Variants in CEP126 observed in about 807,000 individuals in gnomAD.
CEP126 encodes the protein centrosomal protein 126, also known as centrosomal protein of 126 kDa.
Under a neutral mutation model 107.8 loss-of-function variants are expected in CEP126, and 74 were observed. The observed-to-expected ratio is 0.69, with a 90% confidence interval of 0.57 to 0.83. The LOEUF is 0.83. Ranked by LOEUF, CEP126 falls within the 40% of genes least tolerant of loss-of-function variation. The pLI is 0.00. For synonymous variants in CEP126, 449 were observed against 446.0 expected (o/e 1.01, Z -0.08); for missense variants, 1,237 against 1,281.9 (o/e 0.96, Z 0.53).
Position 101,963,221 on chromosome 11 carries a change from C to CA in CEP126, c.2193dup (p.Glu732ArgfsTer4), listed in dbSNP as rs755857306. 1.2e-6 allele frequency: 2 copies of CA among 1,613,516 alleles called. No homozygotes were observed. Among genetic ancestry groups the CA allele is most frequent in the Admixed American group, 1.7e-5 (1 of 59,980 alleles). On this transcript the variant is annotated frameshift_variant, in exon 6 of 11. Coordinates refer to ENST00000263468, the MANE Select transcript of CEP126 (RefSeq NM_020802.4). LOFTEE classifies it high-confidence loss of function. ...TTTGCTAAACATGCCTGGCCAGCCT[C>CA]AAAAAAAGAAGAAAGTAAAATCCCT...
In CEP126 at chr11:101,961,930, G is replaced by A; in HGVS notation, c.895G>A (p.Asp299Asn). 6.2e-7 allele frequency: 1 copy of A among 1,611,872 alleles called. No homozygotes were observed. Among genetic ancestry groups the A allele is most frequent in the Non-Finnish European group, 8.5e-7 (1 of 1,179,110 alleles). ...AACTAATCTCAGCTGCTTTGATGAA[G>A]ATAAACTGGCATTCTCTAAAACTCA... ...QSTNLSCFDE[D>N]KLAFSKTQHI... is the part of the protein sequence containing the mutation. Residue 299 changes from aspartate (D) to asparagine (N), a missense_variant, in exon 6 of 11, where the codon GAT becomes AAT. Asp to Asn is a conservative substitution (Grantham distance 23). Coordinates refer to ENST00000263468, the MANE Select transcript of CEP126 (RefSeq NM_020802.4).
chr11:101,954,648 A>G (rs1222393281), intron 4 of CEP126, among the ~76,000 whole-genome samples: 1 of 151,884 alleles, frequency 6.6e-6, no homozygotes, highest in Non-Finnish European at 1.5e-5. Context: ...ATATATACAT[A>G]TATATATCAC....
In CEP126 at chr11:101,963,082, T is replaced by C; in HGVS notation, c.2047T>C (p.Ser683Pro). 1 of 1,614,118 alleles carries C rather than the reference T, an allele frequency of 6.2e-7. No individual in the cohort carries two copies. Among genetic ancestry groups the C allele is most frequent in the Non-Finnish European group, 8.5e-7 (1 of 1,179,992 alleles). Residue 683 changes from serine (S) to proline (P), a missense_variant, in exon 6 of 11, where the codon TCT (serine) becomes CCT (proline). Coordinates refer to ENST00000263468, the MANE Select transcript of CEP126 (RefSeq NM_020802.4). The stretch of plus-strand genomic sequence containing the variant: ...TAGTGTTTCTACTTGTGCTGTAAAT[T>C]CTGCTGATACAAAGAAGTCCAGGGA... ...IISVSTCAVN[S>P]ADTKKSREDS...
chr11:101,929,588 T>G (rs1940462914), intron 2 of CEP126, among the ~76,000 whole-genome samples: 2 of 152,368 alleles, frequency 1.3e-5, no homozygotes, highest in African/African-American at 4.8e-5. Flanking sequence ...CATATCTCTC[T>G]GCAGGCTTCC....
At position 101,972,841 on chromosome 11, in the gene CEP126, T is replaced by C. The variant is rs560302362; in HGVS notation, c.2846-5506T>C. Among the ~76,000 whole-genome samples the C allele has an allele frequency of 1.1e-4, 17 of 152,322 alleles. No homozygotes were observed. The South Asian group carries it at 3.3e-3, about 30-fold the overall frequency. ...ATGTTAATTATTCCATGATTTTCTT[T>C]ATAATTTTGCCACGTATGAATGTAT... On this transcript the variant is annotated intron_variant, in intron 6 of 10. Coordinates refer to ENST00000263468, the MANE Select transcript of CEP126 (RefSeq NM_020802.4).
intron 4 of CEP126, among the ~76,000 whole-genome samples, chr11:101,954,166 T>C (rs1350253302): frequency 6.6e-6 from 1 of 152,096 alleles, no homozygotes; most frequent in Non-Finnish European, 1.5e-5. Context: ...TAGCTGGGAT[T>C]ACAGGAACGT....
intron 6 of CEP126, among the ~76,000 whole-genome samples, chr11:101,970,675 G>A (rs1274727484): frequency 1.3e-5 from 2 of 151,902 alleles, no homozygotes; most frequent in South Asian, 4.2e-4. Context: ...TACTAGAAAG[G>A]ACCAATGTGA....
At chr11:101,987,973 A>G (rs2137132370) in intron 9 of CEP126, among the ~76,000 whole-genome samples, 1 of 152,320 alleles carries the variant, frequency 6.6e-6, no homozygotes, top group South Asian at 2.1e-4. Context: ...CAATTAAAAA[A>G]AAAGTAAATA....
In CEP126 at chr11:101,962,191, A is replaced by G. The variant is rs752186613; in HGVS notation, c.1156A>G (p.Thr386Ala). The change falls in exon 6 of 11, where the codon ACC (threonine) becomes GCC (alanine). Residue 386 changes from threonine to alanine, a missense_variant. Physicochemically the swap from Thr to Ala is moderately conservative, Grantham distance 58 (BLOSUM62 0). Transcript: ENST00000263468. ...MFVLDKKCEK[T>A]SETSTMRTTD... ...TGTACTAGATAAAAAATGTGAAAAGACCTCTGAAACTAGCACTATGAGGAC... is the reference window on the plus strand; with the variant it reads ...TGTACTAGATAAAAAATGTGAAAAGGCCTCTGAAACTAGCACTATGAGGAC... 3 of 1,613,788 alleles carry G rather than the reference A, an allele frequency of 1.9e-6. No homozygotes were observed. The highest frequency in any genetic ancestry group is 2.2e-5 in the South Asian group (2 of 91,024).
chr11:101,926,770 C>G lies in CEP126; in HGVS notation c.248+4010C>G, dbSNP rs1274437718. On this transcript the variant is annotated intron_variant, in intron 2 of 10. Coordinates refer to ENST00000263468, the MANE Select transcript of CEP126 (RefSeq NM_020802.4). ...TTTTCACATTTTAACATAAATTTTTCTAAAATACAATGCATATTTCTATAA... is the reference window on the plus strand; with the variant it reads ...TTTTCACATTTTAACATAAATTTTTGTAAAATACAATGCATATTTCTATAA... Among the ~76,000 whole-genome samples the G allele has an allele frequency of 2.6e-5, 4 of 152,236 alleles. No homozygotes were observed. The East Asian group carries it at 5.8e-4, about 22-fold the overall frequency.
Position 101,961,928 on chromosome 11 carries a change from A to C in CEP126, c.893A>C (p.Glu298Ala). The change falls in exon 6 of 11, where the codon GAA (glutamate) becomes GCA (alanine). Residue 298 changes from glutamate (E) to alanine (A), a missense_variant. Physicochemically the swap from Glu to Ala is moderately radical, Grantham distance 107. Around this residue, in one of 3 missense-constraint regions of CEP126, gnomAD observed 1,134 missense variants for 1,150.5 expected, o/e 0.99. Transcript: ENST00000263468. ...MQSTNLSCFD[E>A]DKLAFSKTQH... ...TCAACTAATCTCAGCTGCTTTGATG[A>C]AGATAAACTGGCATTCTCTAAAACT... The C allele has an allele frequency of 6.2e-7, 1 of 1,611,802 alleles. No individual in the cohort carries two copies. Among genetic ancestry groups the C allele is most frequent in the Non-Finnish European group, 8.5e-7 (1 of 1,179,126 alleles).
intron 4 of CEP126, among the ~76,000 whole-genome samples, chr11:101,949,965 C>T (rs1382586884): frequency 6.6e-6 from 1 of 152,196 alleles, no homozygotes; most frequent in Non-Finnish European, 1.5e-5. Context: ...TTATCAAAAA[C>T]CTCTTTCTTC....
chr11:101,954,248 G>A (rs1002887898), intron 4 of CEP126, among the ~76,000 whole-genome samples: 4 of 152,160 alleles, frequency 2.6e-5, no homozygotes, highest in Non-Finnish European at 5.9e-5. Context: ...GGAGGGTCTC[G>A]ATTTCTTGAC....
chr11:101,951,899 C>G (rs1049752773), intron 4 of CEP126, among the ~76,000 whole-genome samples: 5 of 152,142 alleles, frequency 3.3e-5, no homozygotes, highest in African/African-American at 1.2e-4. Context: ...TTCATGTGTA[C>G]TTTTGTCCCC....
At chr11:101,977,209 T>C (rs996604103) in intron 6 of CEP126, among the ~76,000 whole-genome samples, 1 of 152,174 alleles carries the variant, frequency 6.6e-6, no homozygotes, top group East Asian at 1.9e-4. Context: ...GTCATTGTCA[T>C]TATGTGGCAA....
At chr11:101,937,371 G>T (rs1338677765) in intron 2 of CEP126, among the ~76,000 whole-genome samples, 1 of 152,148 alleles carries the variant, frequency 6.6e-6, no homozygotes, top group Admixed American at 6.5e-5. Flanking sequence ...CGTGTTCAAG[G>T]TAATGAACCA....
chr11:101,962,244 A>G lies in CEP126; in HGVS notation c.1209A>G (p.Lys403=). Residue 403 remains lysine (K), a synonymous_variant, in exon 6 of 11, where the codon AAA becomes AAG. Transcript: ENST00000263468. ...CTGACTCCACTTCTGGAGCATTCAAAAGAGAGAGACCATTAGTTACTGAGA... is the reference window on the plus strand; with the variant it reads ...CTGACTCCACTTCTGGAGCATTCAAGAGAGAGAGACCATTAGTTACTGAGA... ...RTTDSTSGAF[K]RERPLVTESP... is the part of the protein sequence containing the mutation. 6.2e-7 allele frequency: 1 copy of G among 1,613,954 alleles called. No homozygotes were observed. The highest frequency in any genetic ancestry group is 8.5e-7 in the Non-Finnish European group (1 of 1,179,864).
At chr11:101,937,106 A>G (rs984173742) in intron 2 of CEP126, among the ~76,000 whole-genome samples, 6 of 152,334 alleles carry the variant, frequency 3.9e-5, no homozygotes, top group African/African-American at 1.4e-4. Context: ...CACATAGCCT[A>G]AAGGTAATTT....
In CEP126 at chr11:101,983,000, T is replaced by G. The variant is rs1014652676; in HGVS notation, c.3034+1036T>G. On this transcript the variant is annotated intron_variant, in intron 8 of 10. Coordinates refer to ENST00000263468, the MANE Select transcript of CEP126 (RefSeq NM_020802.4). ...TCCCATGCACACCCAGATTCCCCCA[T>G]GTAAGCATGCTCACAAGGAGTAATA... 2.0e-5 allele frequency among the ~76,000 whole-genome samples: 3 copies of G among 152,174 alleles called. No homozygotes were observed. In the South Asian group the frequency reaches 6.2e-4, roughly 31 times the overall value.
Sources: allele counts gnomAD v4.1 joint callset (sites outside exome capture counted in the v4.1 genomes callset), GRCh38; gene constraint gnomAD v4.1.1; regional missense constraint gnomAD v4.1.1; transcripts MANE v1.5; gene names NCBI Gene and HGNC (gene_info 2026-07-23, HGNC 2026-07-21).